The following NHSL1 variants were observed in gnomAD, a reference collection of about 807,000 sequenced individuals.
NHSL1 encodes NHS-like protein 1.
Under a neutral mutation model 95.0 loss-of-function variants are expected in NHSL1, and 48 were observed. That is an observed-to-expected ratio of 0.51 (90% CI 0.40 to 0.64). The LOEUF is 0.64. Ranked by LOEUF, NHSL1 falls within the 30% of genes least tolerant of loss-of-function variation. The probability of loss-of-function intolerance (pLI) is 0.00; values close to 1 mark genes in which losing one functional copy is unlikely to be tolerated. For missense variants in NHSL1, 1,971 were observed against 2,077.7 expected (o/e 0.95, Z 1.00); for synonymous variants, 783 against 833.9 (o/e 0.94, Z 1.05).
chr6:138,511,475 T>C (rs111680426), intron 1 of NHSL1, among the ~76,000 whole-genome samples: 3 of 151,956 alleles, frequency 2.0e-5, no homozygotes, highest in African/African-American at 4.8e-5. Flanking sequence ...AGTAGGTCTA[T>C]GGGGTCTCCC....
At position 138,643,466 on chromosome 6, in the gene NHSL1, T is replaced by G. The variant is rs563522130; in HGVS notation, c.96+49010A>C. ...TTTATGTGTCTGGACAAATACATAA[T>G]AATGTGTATCCACTATTAAACTCAG... is the stretch of plus-strand genomic sequence containing the variant. On this transcript the variant is annotated intron_variant, in intron 1 of 3. Coordinates refer to the NHSL1 transcript ENST00000491526. Among the ~76,000 whole-genome samples the G allele has an allele frequency of 2.6e-5, 4 of 152,360 alleles. No individual in the cohort carries two copies. The South Asian group carries it at 8.3e-4, about 32-fold the overall frequency.
At chr6:138,691,761 G>T in intron 1 of NHSL1, 1 of 372,682 alleles carries the variant, frequency 2.7e-6, no homozygotes, top group Non-Finnish European at 5.3e-6. Flanking sequence ...TGGATCACCG[G>T]AGAGATCACT....
intron 1 of NHSL1, among the ~76,000 whole-genome samples, chr6:138,599,820 T>C (rs1157620770): frequency 6.6e-6 from 1 of 152,068 alleles, no homozygotes; most frequent in African/African-American, 2.4e-5. Context: ...GATTTCAGGA[T>C]ACAAGGAAGA....
intron 1 of NHSL1, among the ~76,000 whole-genome samples, chr6:138,509,434 T>C (rs1381203913): frequency 2.0e-5 from 3 of 152,188 alleles, no homozygotes; most frequent in Non-Finnish European, 2.9e-5. Flanking sequence ...ACCTGTTTGA[T>C]TGATGGTGTG....
chr6:138,558,902 A>G (rs1308998910), intron 1 of NHSL1, among the ~76,000 whole-genome samples: 1 of 152,156 alleles, frequency 6.6e-6, no homozygotes, highest in Admixed American at 6.5e-5. Context: ...AAAATAAATT[A>G]GCCAGGCATG....
In NHSL1 at chr6:138,432,742, C is replaced by T. The variant is rs757914073; in HGVS notation, c.1603G>A (p.Gly535Ser). Residue 535 changes from glycine to serine, a missense_variant, in exon 6 of 8, where the codon GGC (glycine) becomes AGC (serine). Transcript: ENST00000343505. This position sits in a 1 kb window ranked among gnomAD's most constrained non-coding sequence, Gnocchi z 4.4. ...CCTGAATAACTAGATTCACTCTTGC[C>T]ATCCACATCTTGGGGGTGGGCTGGG... is the stretch of plus-strand genomic sequence containing the variant. The part of the protein sequence containing the change: ...AFPAHPQDVD[G>S]KSESSYSGGG... 1.7e-5 allele frequency: 26 copies of T among 1,551,700 alleles called. No individual in the cohort carries two copies. In the South Asian group the frequency reaches 2.7e-4, roughly 16 times the overall value.
chr6:138,523,639 A>C (rs1300806927), intron 1 of NHSL1, among the ~76,000 whole-genome samples: 1 of 146,444 alleles, frequency 6.8e-6, no homozygotes, highest in Non-Finnish European at 1.5e-5. Flanking sequence ...AAAAAAAAAA[A>C]AAAAAAAAAA....
At chr6:138,685,800 T>A (rs1785578035) in intron 1 of NHSL1, among the ~76,000 whole-genome samples, 1 of 152,120 alleles carries the variant, frequency 6.6e-6, no homozygotes. Flanking sequence ...AAAGAGATTA[T>A]TTATCAAAGT....
At chr6:138,467,137 G>GTTATT (rs1318049000) in intron 3 of NHSL1, among the ~76,000 whole-genome samples, 34 of 151,648 alleles carry the variant, frequency 2.2e-4, no homozygotes, top group East Asian at 1.4e-3. Context: ...TATATTTTTT[G>GTTATT]TTATTTTATT....
At position 138,566,360 on chromosome 6, in the gene NHSL1, T is replaced by C. The variant is rs144550946; in HGVS notation, c.202+5350A>G. Among the ~76,000 whole-genome samples, 54 of 152,190 alleles carry C rather than the reference T, an allele frequency of 3.5e-4. 2 individuals carry two copies. The East Asian group carries it at 0.01, about 29-fold the overall frequency. On this transcript the variant is annotated intron_variant, in intron 1 of 6. Transcript: ENST00000427025. ...CTGCAGTGAGCCAAGATTGTGCCAC[T>C]GCACTCCAGCCTGGGCGACAGAGCA... is the stretch of plus-strand genomic sequence containing the variant.
chr6:138,654,664 G>A lies in NHSL1; in HGVS notation c.96+37812C>T, dbSNP rs367705447. 2.6e-5 allele frequency among the ~76,000 whole-genome samples: 4 copies of A among 151,732 alleles called. No homozygotes were observed. In the East Asian group the frequency reaches 7.7e-4, roughly 29 times the overall value. On this transcript the variant is annotated intron_variant, in intron 1 of 3. Coordinates refer to the NHSL1 transcript ENST00000491526. The stretch of plus-strand genomic sequence containing the variant: ...GATGCTATTAGTATTCTGGGCCAAC[G>A]ATTCCTCCATAAAATGCTCCCACAT...
chr6:138,469,559 A>C (rs34931389), intron 3 of NHSL1, among the ~76,000 whole-genome samples: 8,486 of 152,022 alleles, frequency 0.056, 656 homozygotes, highest in East Asian at 0.3. Flanking sequence ...CCCCATCTCT[A>C]CAAAAAAATA....
At chr6:138,480,201 A>G (rs1238094724) in intron 2 of NHSL1, among the ~76,000 whole-genome samples, 1 of 152,242 alleles carries the variant, frequency 6.6e-6, no homozygotes, top group Non-Finnish European at 1.5e-5. Context: ...CATGCATACT[A>G]AACTCCTGCA....
chr6:138,433,210 G>A lies in NHSL1; in HGVS notation c.1135C>T (p.Leu379Phe). 1 of 1,551,082 alleles carries A rather than the reference G, an allele frequency of 6.4e-7. No individual in the cohort carries two copies. Among genetic ancestry groups the A allele is most frequent in the Non-Finnish European group, 8.7e-7 (1 of 1,146,586 alleles). ...HLGGASGTGT[L>F]LRPKSQELRH... ...AACTCCTGGGATTTGGGTCTCAAAA[G>A]TGTTCCAGTCCCTGAGGCACCTCCT... Residue 379 changes from leucine to phenylalanine, a missense_variant, in exon 6 of 8, where the codon CTT (leucine) becomes TTT (phenylalanine). By Grantham distance (22) the Leu-to-Phe change is conservative (BLOSUM62 0). Transcript: ENST00000343505.
chr6:138,520,461 T>C (rs1388096491), intron 1 of NHSL1, among the ~76,000 whole-genome samples: 3 of 151,920 alleles, frequency 2.0e-5, no homozygotes, highest in Non-Finnish European at 4.4e-5. Context: ...AGCTAATTTT[T>C]GTATTTTTAG....
At chr6:138,534,182 T>G (rs1353144345) in intron 1 of NHSL1, among the ~76,000 whole-genome samples, 1 of 152,222 alleles carries the variant, frequency 6.6e-6, no homozygotes, top group Non-Finnish European at 1.5e-5. Flanking sequence ...TTTGTTTTCA[T>G]AGAGAGTGAT....
At chr6:138,580,034 T>C (rs1784029073) in intron 1 of NHSL1, among the ~76,000 whole-genome samples, 1 of 152,220 alleles carries the variant, frequency 6.6e-6, no homozygotes, top group South Asian at 2.1e-4. Flanking sequence ...GAATTGAATA[T>C]AAAGTAACAA....
chr6:138,481,551 C>T (rs1480977290), intron 2 of NHSL1, among the ~76,000 whole-genome samples: 1 of 152,142 alleles, frequency 6.6e-6, no homozygotes, highest in Non-Finnish European at 1.5e-5. Flanking sequence ...TTGTGTGTAG[C>T]ATATCAAAGA....
intron 1 of NHSL1, among the ~76,000 whole-genome samples, chr6:138,654,635 A>G (rs1395318948): frequency 1.3e-5 from 2 of 152,052 alleles, no homozygotes; most frequent in African/African-American, 2.4e-5. Flanking sequence ...TTGTTTCTCA[A>G]TGAGATGCTA....
Sources: allele counts gnomAD v4.1 joint callset (sites outside exome capture counted in the v4.1 genomes callset), GRCh38; gene constraint gnomAD v4.1.1; non-coding constraint Gnocchi (gnomAD v3.1); transcripts MANE v1.5; gene names NCBI Gene and HGNC (gene_info 2026-07-23, HGNC 2026-07-21).